TNRC18: variants seen among roughly 807,000 people sequenced by gnomAD.
TNRC18 encodes trinucleotide repeat-containing gene 18 protein.
In TNRC18, 69 loss-of-function variants were observed where a neutral mutation model predicts 226.7. That is an observed-to-expected ratio of 0.30 (90% CI 0.25 to 0.37). The LOEUF is 0.37. TNRC18 is among the 10% of genes least tolerant of loss of function. The probability of loss-of-function intolerance (pLI) is 1.00; values close to 1 mark genes in which losing one functional copy is unlikely to be tolerated. For synonymous variants in TNRC18, 2,449 were observed against 1,927.6 expected (o/e 1.27, Z -7.09); for missense variants, 4,754 against 4,256.6 (o/e 1.12, Z -3.25).
chr7:5,363,307 AAAAT>A (rs993182107), intron 11 of TNRC18, among the ~76,000 whole-genome samples: 5 of 151,182 alleles, frequency 3.3e-5, no homozygotes, highest in South Asian at 2.1e-4. Context: ...CATCTCAAAA[AAAAT>A]AAATAAATAG....
chr7:5,375,975 C>G, intron 9 of TNRC18, 59 bp downstream of exon 9: 2 of 1,490,704 alleles, frequency 1.3e-6, no homozygotes, highest in Non-Finnish European at 1.8e-6. Context: ...GCTGACTCGT[C>G]TGCCTCGTCA....
chr7:5,361,048 G>A (rs535878572), intron 14 of TNRC18, among the ~76,000 whole-genome samples: 14 of 152,308 alleles, frequency 9.2e-5, no homozygotes, highest in Middle Eastern at 3.4e-3. Context: ...TGCACGCCTC[G>A]CCCTGCGGGA....
chr7:5,307,404 G>A lies in TNRC18; in HGVS notation c.*702C>T, dbSNP rs1721085300. On this transcript the variant is annotated 3_prime_UTR_variant, in exon 30 of 30. Transcript: ENST00000430969. ...CCACCTCCCTCCTGGGTGGGGAGGGGCCAGGCGTGGCCGGGCGACAGTTTC... is the reference window on the plus strand; with the variant it reads ...CCACCTCCCTCCTGGGTGGGGAGGGACCAGGCGTGGCCGGGCGACAGTTTC... The A allele has an allele frequency of 6.4e-6, 2 of 313,170 alleles. No individual in the cohort carries two copies. Among genetic ancestry groups the A allele is most frequent in the South Asian group, 4.7e-5 (2 of 42,546 alleles). The allele number at this position is 313,170 out of a possible 1,614,324, so 19.4% of individuals were successfully genotyped here.
intron 16 of TNRC18, among the ~76,000 whole-genome samples, chr7:5,355,717 A>T (rs1012677321): frequency 1.3e-4 from 20 of 152,118 alleles, no homozygotes; most frequent in African/African-American, 4.6e-4. Flanking sequence ...TGTCTCTACA[A>T]AAAATTTTAA....
chr7:5,419,006 G>C (rs1047337727), intron 2 of TNRC18, among the ~76,000 whole-genome samples: 1 of 152,222 alleles, frequency 6.6e-6, no homozygotes. Flanking sequence ...CAAGGGGGCG[G>C]CAGCTGTCCT....
intron 16 of TNRC18, among the ~76,000 whole-genome samples, chr7:5,356,485 G>C (rs1792398015): frequency 6.6e-6 from 1 of 152,264 alleles, no homozygotes; most frequent in African/African-American, 2.4e-5. Context: ...CATGCTTCCT[G>C]TGGGTAGGGG....
chr7:5,390,857 A>G (rs1316267035), intron 3 of TNRC18, among the ~76,000 whole-genome samples: 1 of 152,032 alleles, frequency 6.6e-6, no homozygotes, highest in Non-Finnish European at 1.5e-5. Flanking sequence ...TCCCCCCCAG[A>G]AAGAGGATCA....
At chr7:5,322,150 C>T (rs1195338145) in intron 21 of TNRC18, among the ~76,000 whole-genome samples, 8 of 151,896 alleles carry the variant, frequency 5.3e-5, no homozygotes, top group African/African-American at 9.7e-5. Context: ...TGGCAGTGCA[C>T]GCCTGTAGTC....
intron 27 of TNRC18, among the ~76,000 whole-genome samples, chr7:5,311,083 A>G (rs1787149797): frequency 6.6e-6 from 1 of 152,218 alleles, no homozygotes; most frequent in Non-Finnish European, 1.5e-5. Context: ...GTGCATGTTC[A>G]TGTTTACATG....
chr7:5,326,598 G>A (rs1788933774), intron 19 of TNRC18, among the ~76,000 whole-genome samples: 1 of 151,996 alleles, frequency 6.6e-6, no homozygotes, highest in Non-Finnish European at 1.5e-5. Flanking sequence ...GACATGTACC[G>A]CCATGCCCAG....
At chr7:5,344,757 T>A (rs1790999467) in intron 18 of TNRC18, among the ~76,000 whole-genome samples, 1 of 152,074 alleles carries the variant, frequency 6.6e-6, no homozygotes, top group Non-Finnish European at 1.5e-5. Context: ...TGCATGACCA[T>A]CTCCATCTCC....
chr7:5,340,137 C>T (rs1041576710), intron 18 of TNRC18, among the ~76,000 whole-genome samples: 2 of 152,184 alleles, frequency 1.3e-5, no homozygotes, highest in African/African-American at 4.8e-5. Flanking sequence ...CCAAGATAGC[C>T]TAGAAGCAAG....
intron 9 of TNRC18, among the ~76,000 whole-genome samples, chr7:5,375,205 A>G (rs1794538241): frequency 6.6e-6 from 1 of 152,188 alleles, no homozygotes; most frequent in South Asian, 2.1e-4. Context: ...GCTACTCGGG[A>G]GGCTGAGGCA....
intron 18 of TNRC18, among the ~76,000 whole-genome samples, chr7:5,339,427 A>C (rs560080443): frequency 1.1e-3 from 164 of 151,734 alleles, no homozygotes; most frequent in African/African-American, 3.8e-3. Context: ...TTTAGTACAG[A>C]TGGGCTTTCA....
chr7:5,308,069 C>A lies in TNRC18; in HGVS notation c.*37G>T, dbSNP rs1217905924. 1.3e-6 allele frequency: 2 copies of A among 1,532,708 alleles called. No individual in the cohort carries two copies. Among genetic ancestry groups the A allele is most frequent in the Middle Eastern group, 2.3e-4 (1 of 4,316 alleles). 94.9% of individuals were successfully genotyped at this position (1,532,708 alleles called of 1,614,324 possible). A position where few individuals can be genotyped will look rare whatever the true frequency, so the allele number is the denominator to read the frequency against. On this transcript the variant is annotated 3_prime_UTR_variant, in exon 30 of 30. Transcript: ENST00000430969. ...AGTGATGGAGATGGGTCCCTGGCCG[C>A]CCTCGGGGCACAGGTGGCCCGCAGG...
At chr7:5,404,034 T>C (rs1781293710) in intron 2 of TNRC18, among the ~76,000 whole-genome samples, 1 of 152,162 alleles carries the variant, frequency 6.6e-6, no homozygotes, top group Non-Finnish European at 1.5e-5. Flanking sequence ...AGCCAAAGAA[T>C]GGGTTAACAC....
At chr7:5,357,434 C>T (rs1048961542) in intron 15 of TNRC18, among the ~76,000 whole-genome samples, 158 bp from the exon 16 acceptor site, 1 of 151,870 alleles carries the variant, frequency 6.6e-6, no homozygotes, top group Admixed American at 6.6e-5. Context: ...TTTTTAGAGA[C>T]GGAGTCTCGC....
intron 1 of TNRC18, chr7:5,422,811 G>C (rs1252897132): frequency 1.3e-5 from 2 of 152,166 alleles, no homozygotes; most frequent in Admixed American, 1.3e-4. Flanking sequence ...TACCAGATTC[G>C]CGTTTACTTT....
chr7:5,344,800 C>T (rs1791003747), intron 18 of TNRC18, among the ~76,000 whole-genome samples: 1 of 152,272 alleles, frequency 6.6e-6, no homozygotes, highest in Non-Finnish European at 1.5e-5. Flanking sequence ...GAGCTGCGTC[C>T]GTGTGAGGGC....
Sources: gnomAD v4.1 joint callset for allele counts (sites outside exome capture counted in the v4.1 genomes callset) on GRCh38, gnomAD v4.1.1 for gene constraint, MANE v1.5 for transcripts, NCBI Gene and HGNC (gene_info 2026-07-23, HGNC 2026-07-21) for gene names.